Variants in AMACR observed in about 807,000 individuals in gnomAD.
The protein encoded by AMACR is alpha-methylacyl-CoA racemase.
In AMACR, 18 loss-of-function variants were observed where a neutral mutation model predicts 22.2. The ratio of observed to expected loss-of-function variants is 0.81; its 90% confidence interval spans 0.56 to 1.20. The LOEUF is 1.20. AMACR is among the 50% of genes most tolerant of loss of function. The pLI is 0.00. For synonymous variants in AMACR, 213 were observed against 191.3 expected (o/e 1.11, Z -0.94); for missense variants, 499 against 490.6 (o/e 1.02, Z -0.16).
intron 3 of AMACR, among the ~76,000 whole-genome samples, chr5:34,001,335 C>T (rs143421259): frequency 6.6e-6 from 1 of 152,264 alleles, no homozygotes; most frequent in Admixed American, 6.5e-5. Flanking sequence ...GACTTATGGA[C>T]GGAAAATGAT....
intron 3 of AMACR, among the ~76,000 whole-genome samples, chr5:34,004,232 A>G (rs776535226): frequency 2.6e-4 from 39 of 152,196 alleles, no homozygotes; most frequent in Admixed American, 6.5e-5. Flanking sequence ...TGATATACTA[A>G]GCACAAGAGA....
At chr5:34,000,947 C>A (rs761803403) in intron 3 of AMACR, among the ~76,000 whole-genome samples, 1 of 152,118 alleles carries the variant, frequency 6.6e-6, no homozygotes, top group Admixed American at 6.5e-5. Context: ...GAAAAATAGA[C>A]GTGTTAACAG....
At chr5:33,993,943 C>T (rs1753560448) in intron 4 of AMACR, 1 of 400,972 alleles carries the variant, frequency 2.5e-6, no homozygotes, top group Non-Finnish European at 5.0e-6. Flanking sequence ...TTATCTATTG[C>T]TTACCTGATT....
At position 33,989,123 on chromosome 5, in the gene AMACR, A is replaced by G; in HGVS notation, c.1119T>C (p.Ile373=). The G allele has an allele frequency of 6.2e-7, 1 of 1,614,196 alleles. No homozygotes were observed. The highest frequency in any genetic ancestry group is 8.5e-7 in the Non-Finnish European group (1 of 1,180,028). Residue 373 remains isoleucine, a synonymous_variant, in exon 5 of 5, where the codon ATT becomes ATC. Coordinates refer to ENST00000335606, the MANE Select transcript of AMACR (RefSeq NM_014324.6). The stretch of plus-strand genomic sequence containing the variant: ...GACTAGCTTTTACCTTATTACTTTC[A>G]ATGATTTTATCTGAGTTAAGCTGAT... The part of the protein sequence containing the change: ...EIYQLNSDKI[I]ESNKVKASL
intron 4 of AMACR, among the ~76,000 whole-genome samples, chr5:33,991,665 T>C (rs1473370719): frequency 6.6e-6 from 1 of 151,830 alleles, no homozygotes; most frequent in Non-Finnish European, 1.5e-5. Context: ...TAGTAAGCAG[T>C]CAAAATTCAA....
intron 3 of AMACR, among the ~76,000 whole-genome samples, chr5:33,999,365 T>C (rs1753741674): frequency 6.6e-6 from 1 of 152,192 alleles, no homozygotes; most frequent in African/African-American, 2.4e-5. Context: ...TTTAATGTAT[T>C]TCATAATCAC....
chr5:33,989,093 T>G lies in AMACR; in HGVS notation c.1149A>C (p.Ter383TyrextTer8), dbSNP rs1182523287. 2 of 1,614,050 alleles carry G rather than the reference T, an allele frequency of 1.2e-6. No individual in the cohort carries two copies. Among genetic ancestry groups the G allele is most frequent in the African/African-American group, 2.7e-5 (2 of 74,934 alleles). The change falls in exon 5 of 5, where the codon TAA (stop) becomes TAC (tyrosine). Residue 383 changes from the stop codon to tyrosine (Y), a stop_lost. Coordinates refer to ENST00000335606, the MANE Select transcript of AMACR (RefSeq NM_014324.6). Reference sequence around the variant, plus strand: ...TTCACTTGAGCCGTGGGCCTGGAAGTTAGAGACTAGCTTTTACCTTATTAC... The same window carrying G: ...TTCACTTGAGCCGTGGGCCTGGAAGGTAGAGACTAGCTTTTACCTTATTAC... ...IESNKVKASL* is the reference protein window; with the variant it reads ...IESNKVKASLY
intron 3 of AMACR, among the ~76,000 whole-genome samples, chr5:34,000,510 T>TG (rs975305974): frequency 3.9e-5 from 6 of 152,128 alleles, no homozygotes; most frequent in Middle Eastern, 3.4e-3. Flanking sequence ...GGGTCTTTTT[T>TG]TTTTTGAAAT....
chr5:33,989,064 C>T lies in AMACR; in HGVS notation c.*29G>A, dbSNP rs773661915. The T allele has an allele frequency of 8.1e-6, 13 of 1,613,584 alleles. No individual in the cohort carries two copies. In the African/African-American group the frequency reaches 1.5e-4, roughly 18 times the overall value. On this transcript the variant is annotated 3_prime_UTR_variant, in exon 5 of 5. Transcript: ENST00000335606. ...TACTCTACACTGTAAATGCAGTATT[C>T]AAATTCACTTGAGCCGTGGGCCTGG... is the stretch of plus-strand genomic sequence containing the variant.
At position 33,988,554 on chromosome 5, in the gene AMACR, G is replaced by C. The variant is rs1319391361; in HGVS notation, c.*539C>G. On this transcript the variant is annotated 3_prime_UTR_variant, in exon 5 of 5. Transcript: ENST00000335606. ...GTTGAAGGCATTCTGATTCAATACA[G>C]GTGAAACTTTTCTTTGCAAATTACA... 1 of 1,369,892 alleles carries C rather than the reference G, an allele frequency of 7.3e-7. No individual in the cohort carries two copies. Among genetic ancestry groups the C allele is most frequent in the East Asian group, 2.7e-5 (1 of 37,210 alleles). The allele number at this position is 1,369,892 out of a possible 1,614,324, so 84.9% of individuals were successfully genotyped here. A position where few individuals can be genotyped will look rare whatever the true frequency, so the allele number is the denominator to read the frequency against.
intron 4 of AMACR, among the ~76,000 whole-genome samples, chr5:33,991,933 C>A (rs961523756): frequency 6.6e-6 from 1 of 152,062 alleles, no homozygotes; most frequent in African/African-American, 2.4e-5. Context: ...GGCTGGAGTG[C>A]AATGGCACGA....
chr5:33,987,423 T>A lies in AMACR; in HGVS notation c.*1670A>T, dbSNP rs1002913231. 1 of 152,264 alleles carries A rather than the reference T, an allele frequency of 6.6e-6. No homozygotes were observed. The highest frequency in any genetic ancestry group is 1.5e-5 in the Non-Finnish European group (1 of 68,048). 9.4% of individuals were successfully genotyped at this position (152,264 alleles called of 1,614,324 possible). A position where few individuals can be genotyped will look rare whatever the true frequency, so the allele number is the denominator to read the frequency against. On this transcript the variant is annotated 3_prime_UTR_variant, in exon 5 of 5. Coordinates refer to ENST00000335606, the MANE Select transcript of AMACR (RefSeq NM_014324.6). ...TTTTCAACTGGTATTTCTAAAACTG[T>A]GCCAAGGCACCCAGGGCATTAGAGT...
intron 3 of AMACR, among the ~76,000 whole-genome samples, chr5:34,002,642 C>T (rs940886237): frequency 6.6e-6 from 1 of 152,200 alleles, no homozygotes; most frequent in African/African-American, 2.4e-5. Context: ...GCCTTCAAGT[C>T]TTCAATGCCA....
rs753425865 is a variant in AMACR, at chr5:33,998,593, C to T, written c.739+48G>A. The T allele has an allele frequency of 6.5e-6, 10 of 1,537,576 alleles. No individual in the cohort carries two copies. In the Admixed American group the frequency reaches 1.5e-4, roughly 23 times the overall value. The stretch of plus-strand genomic sequence containing the variant: ...AAGTCTTTAAAATAGAACCAAAGAA[C>T]ATCCACAGCAAAAGGGGAACTGGGG... On this transcript the variant is annotated intron_variant, in intron 4 of 4. Coordinates refer to ENST00000335606, the MANE Select transcript of AMACR (RefSeq NM_014324.6).
intron 4 of AMACR, among the ~76,000 whole-genome samples, chr5:33,990,299 C>T (rs1052619060): frequency 6.6e-5 from 10 of 152,250 alleles, no homozygotes; most frequent in Middle Eastern, 3.4e-3. Flanking sequence ...ACTTATTAGC[C>T]GCCAGTCAAC....
chr5:33,998,456 G>A (rs1448367732), intron 4 of AMACR, among the ~76,000 whole-genome samples, 185 bp downstream of exon 4: 2 of 152,078 alleles, frequency 1.3e-5, no homozygotes, highest in African/African-American at 4.8e-5. Flanking sequence ...TTATAGACTA[G>A]TAAGACTGCT....
In AMACR at chr5:33,986,687, A is replaced by G. The variant is rs915638229; in HGVS notation, c.*2406T>C. On this transcript the variant is annotated 3_prime_UTR_variant, in exon 5 of 5. Coordinates refer to ENST00000335606, the MANE Select transcript of AMACR (RefSeq NM_014324.6). ...GAGAGAGAGAAGGAAAGAAGCCAGG[A>G]TATTTCCCTAGATTTCTTTCTTCTC... The G allele has an allele frequency of 2.0e-5, 3 of 152,198 alleles. No individual in the cohort carries two copies. Among genetic ancestry groups the G allele is most frequent in the African/African-American group, 7.2e-5 (3 of 41,436 alleles). 9.4% of individuals were successfully genotyped at this position (152,198 alleles called of 1,614,324 possible).
intron 4 of AMACR, chr5:33,997,512 C>A (rs773397160): frequency 2.6e-6 from 2 of 780,338 alleles, no homozygotes; most frequent in Non-Finnish European, 2.4e-6. Context: ...GATCAGTTCT[C>A]CCAGACCTGG....
At chr5:34,005,691 TC>T in intron 2 of AMACR, 64 bp downstream of exon 2, 1 of 1,579,546 alleles carries the variant, frequency 6.3e-7, no homozygotes, top group South Asian at 1.1e-5. Context: ...TTATTGTTAA[TC>T]AACATACCTG....
Sources: gnomAD v4.1 joint callset for allele counts (sites outside exome capture counted in the v4.1 genomes callset) on GRCh38, gnomAD v4.1.1 for gene constraint, MANE v1.5 for transcripts, NCBI Gene and HGNC (gene_info 2026-07-23, HGNC 2026-07-21) for gene names.